SLIT3: variants seen among roughly 807,000 people sequenced by gnomAD.
SLIT3 encodes the protein slit homolog 3 protein.
In SLIT3, 68 loss-of-function variants were observed where a neutral mutation model predicts 184.0. The observed-to-expected ratio is 0.37, with a 90% CI of 0.30 to 0.45. SLIT3 has a LOEUF of 0.45. Ranked by LOEUF, SLIT3 falls within the 20% of genes least tolerant of loss-of-function variation. The pLI is 1.00. For synonymous variants in SLIT3, 831 were observed against 828.6 expected, an observed-to-expected ratio of 1.00 and a Z score of -0.05; for missense variants, 1,707 against 2,026.0, an observed-to-expected ratio of 0.84 and a Z score of 3.02.
chr5:168,799,556 G>A lies in SLIT3; in HGVS notation c.936-3978C>T, dbSNP rs74714540. Among the ~76,000 whole-genome samples the A allele has an allele frequency of 5.0e-3, 756 of 152,298 alleles. 4 individuals carry two copies. The highest frequency in any genetic ancestry group is 0.018 in the African/African-American group (733 of 41,558). On this transcript the variant is annotated intron_variant, in intron 9 of 35. Coordinates refer to ENST00000519560, the MANE Select transcript of SLIT3 (RefSeq NM_003062.4). ...TTAATGATCTGTCATTTGCAAACAT[G>A]TGACTAAACACAATATATTTCTAGC...
chr5:168,753,188 G>A (rs1754778011), intron 17 of SLIT3, 90 bp from the exon 18 acceptor site: 2 of 1,412,224 alleles, frequency 1.4e-6, no homozygotes, highest in Non-Finnish European at 9.7e-7. Context: ...GTGTATAGGT[G>A]AGATGCTTTT....
chr5:168,938,754 C>A (rs958748405), intron 4 of SLIT3, among the ~76,000 whole-genome samples: 6 of 152,128 alleles, frequency 3.9e-5, no homozygotes, highest in Non-Finnish European at 8.8e-5. Context: ...CCTCAGCCTC[C>A]CTAGTAGGTG....
chr5:168,865,265 C>T (rs1289086343), intron 5 of SLIT3, among the ~76,000 whole-genome samples: 1 of 151,116 alleles, frequency 6.6e-6, no homozygotes, highest in African/African-American at 2.4e-5. Context: ...AACTTGCATT[C>T]ACACGAGGAC....
chr5:169,135,869 A>C (rs1761484428), intron 4 of SLIT3, among the ~76,000 whole-genome samples: 1 of 152,214 alleles, frequency 6.6e-6, no homozygotes, highest in African/African-American at 2.4e-5. Flanking sequence ...CTTTGCCCCA[A>C]GGAACCTGAG....
At chr5:168,961,769 C>T (rs1360860290) in intron 4 of SLIT3, among the ~76,000 whole-genome samples, 2 of 151,994 alleles carry the variant, frequency 1.3e-5, no homozygotes, top group African/African-American at 4.8e-5. Flanking sequence ...AGCCACGGGG[C>T]CTAACTACAT....
chr5:169,094,920 A>C (rs561985915), intron 4 of SLIT3, among the ~76,000 whole-genome samples: 1 of 152,334 alleles, frequency 6.6e-6, no homozygotes, highest in African/African-American at 2.4e-5. Context: ...AATATTTACT[A>C]TCTGGCACTT....
intron 32 of SLIT3, among the ~76,000 whole-genome samples, chr5:168,677,707 C>G (rs561813949): frequency 4.4e-4 from 67 of 152,354 alleles, no homozygotes; most frequent in African/African-American, 1.5e-3. Flanking sequence ...CCTTGACCTC[C>G]CAAAGTGTTG....
Position 169,300,526 on chromosome 5 carries a change from T to C in SLIT3, c.184A>G (p.Asn62Asp). 1 of 1,506,402 alleles carries C rather than the reference T, an allele frequency of 6.6e-7. No homozygotes were observed. The highest frequency in any genetic ancestry group is 8.8e-7 in the Non-Finnish European group (1 of 1,130,574). The allele number at this position is 1,506,402 out of a possible 1,614,324, so 93.3% of individuals were successfully genotyped here. The change falls in exon 1 of 36, where the codon AAC becomes GAC. Residue 62 changes from asparagine (N) to aspartate (D), a missense_variant. This residue lies in a region of SLIT3 where 1,307 missense variants were observed against 1,511.6 expected (regional missense o/e 0.86). Coordinates refer to ENST00000519560, the MANE Select transcript of SLIT3 (RefSeq NM_003062.4). This position sits in a 1 kb window ranked among gnomAD's most constrained non-coding sequence, Gnocchi z 4.1. ...LRAVPRGIPR[N>D]AERLDLDRNN... ...AGGGGTACTCACAGGCGCTCAGCGT[T>C]GCGGGGGATGCCCCGAGGAACCGCG...
chr5:169,000,907 C>G (rs1755680978), intron 4 of SLIT3, among the ~76,000 whole-genome samples: 1 of 152,146 alleles, frequency 6.6e-6, no homozygotes, highest in South Asian at 2.1e-4. Context: ...TCTCAAATAA[C>G]TTTTCCTGCC....
intron 4 of SLIT3, among the ~76,000 whole-genome samples, chr5:168,923,260 C>A (rs1014237304): frequency 2.6e-5 from 4 of 152,096 alleles, no homozygotes; most frequent in Admixed American, 2.6e-4. Flanking sequence ...ATCCTACGAG[C>A]CACAGTTCTG....
chr5:168,818,324 G>A (rs1485997328), intron 7 of SLIT3, among the ~76,000 whole-genome samples: 3 of 152,160 alleles, frequency 2.0e-5, no homozygotes, highest in Admixed American at 2.0e-4. Flanking sequence ...TCCCTGGAGG[G>A]ATCTGTGTGT....
intron 4 of SLIT3, chr5:169,036,483 G>A (rs1757254627): frequency 6.6e-6 from 1 of 152,160 alleles, no homozygotes; most frequent in South Asian, 2.1e-4. Context: ...TGTTTTTCAA[G>A]CTCAATATAA....
chr5:169,251,255 GGCTTTCTGCT>G (rs1765763634), intron 2 of SLIT3, 123 bp downstream of exon 2: 1 of 694,558 alleles, frequency 1.4e-6, no homozygotes, highest in African/African-American at 1.7e-5. Flanking sequence ...GCTAACGAGG[GGCTTTCTGCT>G]GCAGAATGGT....
At chr5:169,056,046 G>C (rs1757991478) in intron 4 of SLIT3, among the ~76,000 whole-genome samples, 1 of 152,146 alleles carries the variant, frequency 6.6e-6, no homozygotes, top group Admixed American at 6.5e-5. Context: ...ATAGATTATA[G>C]AGGGGCAGAG....
At chr5:168,666,905 G>T in intron 35 of SLIT3, 1 of 732,892 alleles carries the variant, frequency 1.4e-6, no homozygotes, top group Non-Finnish European at 2.4e-6. Context: ...CACCTAAGCC[G>T]TGAGGATATA....
At chr5:168,798,370 C>T in intron 9 of SLIT3, among the ~76,000 whole-genome samples, 1 of 151,976 alleles carries the variant, frequency 6.6e-6, no homozygotes, top group Non-Finnish European at 1.5e-5. Context: ...ACCACAGGCC[C>T]ATATTACCAT....
chr5:168,762,566 C>A lies in SLIT3; in HGVS notation c.1583G>T (p.Ser528Ile). The change falls in exon 15 of 36, where the codon AGC (serine) becomes ATC (isoleucine). Residue 528 changes from serine (S) to isoleucine (I), a missense_variant. Physicochemically the swap from Ser to Ile is moderately radical, Grantham distance 142. Coordinates refer to ENST00000519560, the MANE Select transcript of SLIT3 (RefSeq NM_003062.4). ...GTCGGTGACATATTCAGGGAGGTGG[C>A]TTGGGATGCGGACCAGCTTCTGGTT... ...CSNQKLVRIP[S>I]HLPEYVTDLR... The A allele has an allele frequency of 1.9e-6, 3 of 1,613,982 alleles. No homozygotes were observed. The highest frequency in any genetic ancestry group is 2.2e-5 in the East Asian group (1 of 44,856).
chr5:168,817,539 C>T, intron 7 of SLIT3, 76 bp from the exon 8 acceptor site: 1 of 1,401,836 alleles, frequency 7.1e-7, no homozygotes, highest in South Asian at 1.2e-5. Context: ...GACAGAGTGA[C>T]CAAAACCCCT....
chr5:169,288,244 G>A (rs560832693), intron 1 of SLIT3, among the ~76,000 whole-genome samples: 31 of 152,308 alleles, frequency 2.0e-4, no homozygotes, highest in Admixed American at 9.2e-4. Flanking sequence ...TCTACACAGA[G>A]TTAGAACTCT....
Sources: allele counts gnomAD v4.1 joint callset (sites outside exome capture counted in the v4.1 genomes callset), GRCh38; gene constraint gnomAD v4.1.1; regional missense constraint gnomAD v4.1.1; non-coding constraint Gnocchi (gnomAD v3.1); transcripts MANE v1.5; gene names NCBI Gene and HGNC (gene_info 2026-07-23, HGNC 2026-07-21).